CSMD2: variants seen among roughly 807,000 people sequenced by gnomAD.
CSMD2 encodes the protein CUB and sushi domain-containing protein 2.
In CSMD2, 130 loss-of-function variants were observed where a neutral mutation model predicts 398.5. The ratio of observed to expected loss-of-function variants is 0.33; its 90% CI spans 0.28 to 0.38. The LOEUF is 0.38. CSMD2 is among the 10% of genes least tolerant of loss of function. The probability of loss-of-function intolerance (pLI) is 1.00; values close to 1 mark genes in which losing one functional copy is unlikely to be tolerated. For synonymous variants in CSMD2, 1,828 were observed against 1,908.5 expected, an observed-to-expected ratio of 0.96 and a Z score of 1.10; for missense variants, 3,829 against 4,764.9, an observed-to-expected ratio of 0.80 and a Z score of 5.78.
intron 53 of CSMD2, among the ~76,000 whole-genome samples, chr1:33,565,025 G>C (rs1658922728): frequency 6.6e-6 from 1 of 152,156 alleles, no homozygotes; most frequent in Non-Finnish European, 1.5e-5. Flanking sequence ...CTAACTAGAA[G>C]CCAGAGAGTG....
chr1:34,160,464 G>C lies in CSMD2; in HGVS notation c.187+4447C>G, dbSNP rs532583519. ...AACTGTAACCAAACGGTGATACTTA[G>C]TTGTGGGGAAAGGAACAGGGGACCA... is the stretch of plus-strand genomic sequence containing the variant. On this transcript the variant is annotated intron_variant, in intron 1 of 70. Coordinates refer to ENST00000373381, the MANE Select transcript of CSMD2 (RefSeq NM_001281956.2). 1.1e-4 allele frequency among the ~76,000 whole-genome samples: 16 copies of C among 152,292 alleles called. 1 individual carries two copies. The South Asian group carries it at 3.3e-3, about 32-fold the overall frequency.
At position 33,863,229 on chromosome 1, in the gene CSMD2, C is replaced by CT. The variant is rs560184249; in HGVS notation, c.921-16234dup. ...GTGTCCAAAGGCCCCCAGAATGACA[C>CT]TTTTTCATCTTTTCTCTTCCCTCCA... On this transcript the variant is annotated intron_variant, in intron 5 of 70. Coordinates refer to ENST00000373381, the MANE Select transcript of CSMD2 (RefSeq NM_001281956.2). The CT allele has an allele frequency of 1.3e-3, 196 of 152,336 alleles. 1 individual carries two copies. The highest frequency in any genetic ancestry group is 4.5e-3 in the African/African-American group (186 of 41,564). 9.4% of individuals were successfully genotyped at this position (152,336 alleles called of 1,614,324 possible).
chr1:34,064,527 T>C (rs1353859623), intron 2 of CSMD2, among the ~76,000 whole-genome samples: 2 of 152,152 alleles, frequency 1.3e-5, no homozygotes, highest in Non-Finnish European at 2.9e-5. Context: ...CTCCTCTCCA[T>C]CCGAGACCAT....
intron 5 of CSMD2, among the ~76,000 whole-genome samples, chr1:33,850,199 C>T (rs1233424436): frequency 1.3e-5 from 2 of 152,118 alleles, no homozygotes; most frequent in Non-Finnish European, 2.9e-5. Flanking sequence ...GGTTTGACTC[C>T]TGCCTGCCTT....
intron 12 of CSMD2, among the ~76,000 whole-genome samples, chr1:33,786,328 C>T (rs1348386253): frequency 6.6e-6 from 1 of 152,186 alleles, no homozygotes; most frequent in Non-Finnish European, 1.5e-5. Flanking sequence ...CACTGCTGAA[C>T]ATCCATAGAA....
chr1:34,028,785 C>G (rs2148139903), intron 3 of CSMD2, among the ~76,000 whole-genome samples: 1 of 152,270 alleles, frequency 6.6e-6, no homozygotes, highest in Non-Finnish European at 1.5e-5. Flanking sequence ...ACAGGTTGAT[C>G]CCCTTCCCTC....
chr1:33,785,776 G>A (rs777501798), intron 12 of CSMD2, among the ~76,000 whole-genome samples: 6 of 152,126 alleles, frequency 3.9e-5, no homozygotes, highest in Non-Finnish European at 2.9e-5. Context: ...TAAAGCTATG[G>A]CACATAGCAG....
intron 67 of CSMD2, 117 bp downstream of exon 67, chr1:33,523,190 C>T (rs371816508): frequency 3.4e-6 from 2 of 596,668 alleles, no homozygotes; most frequent in Non-Finnish European, 6.0e-6. Flanking sequence ...CAGGGCCCCA[C>T]AGAAAACCTC....
intron 10 of CSMD2, among the ~76,000 whole-genome samples, chr1:33,796,869 G>T (rs1402448152): frequency 6.6e-6 from 1 of 152,158 alleles, no homozygotes; most frequent in East Asian, 1.9e-4. Context: ...TGCATTCCTG[G>T]GGGGAGGTCT....
At position 33,822,278 on chromosome 1, in the gene CSMD2, G is replaced by A. The variant is rs151265016; in HGVS notation, c.1112-1722C>T. ...GGGACCTAGGGCATGAGGAGAAGGA[G>A]CAGGGCATTTCCAGGATTTCCAGGG... On this transcript the variant is annotated intron_variant, in intron 7 of 70. Coordinates refer to ENST00000373381, the MANE Select transcript of CSMD2 (RefSeq NM_001281956.2). Among the ~76,000 whole-genome samples the A allele has an allele frequency of 4.6e-5, 7 of 152,270 alleles. No individual in the cohort carries two copies. The East Asian group carries it at 9.7e-4, about 21-fold the overall frequency.
At chr1:33,550,066 G>T in intron 56 of CSMD2, 111 bp downstream of exon 56, 1 of 1,088,246 alleles carries the variant, frequency 9.2e-7, no homozygotes, top group African/African-American at 1.5e-5. Flanking sequence ...TAAGGGTTCT[G>T]AGGTCTGATT....
intron 64 of CSMD2, among the ~76,000 whole-genome samples, chr1:33,531,484 A>G (rs1655226912): frequency 6.6e-6 from 1 of 152,210 alleles, no homozygotes; most frequent in Non-Finnish European, 1.5e-5. Flanking sequence ...CCCCAGGAGA[A>G]CTGAAAACAT....
chr1:33,530,148 A>T (rs1655109335), intron 64 of CSMD2, among the ~76,000 whole-genome samples: 1 of 152,228 alleles, frequency 6.6e-6, no homozygotes, highest in South Asian at 2.1e-4. Context: ...CAGAGTGAAG[A>T]GGCAACCTGT....
intron 43 of CSMD2, 83 bp downstream of exon 43, chr1:33,602,286 C>T: frequency 6.8e-7 from 1 of 1,478,542 alleles, no homozygotes; most frequent in Non-Finnish European, 9.3e-7. Flanking sequence ...TTTTCTAAAC[C>T]AATAGGTAAC....
In CSMD2 at chr1:33,635,202, C is replaced by CA. The variant is rs1642725584; in HGVS notation, c.5086+11dup. 1 of 1,559,440 alleles carries CA rather than the reference C, an allele frequency of 6.4e-7. No homozygotes were observed. Among genetic ancestry groups the CA allele is most frequent in the East Asian group, 2.2e-5 (1 of 44,548 alleles). Reference sequence around the variant, plus strand: ...CAGAAAACATATGAACAACAACAACCAAAACCCATACCATAGTCCTTGGGC... The same window carrying CA: ...CAGAAAACATATGAACAACAACAACCAAAAACCCATACCATAGTCCTTGGGC... On this transcript the variant is annotated intron_variant, in intron 31 of 70. Transcript: ENST00000373381. The surrounding 1 kb of genome is among the most constrained non-coding windows in gnomAD (Gnocchi z 5.0).
chr1:33,641,925 C>G (rs529415698), intron 29 of CSMD2, among the ~76,000 whole-genome samples: 1 of 152,316 alleles, frequency 6.6e-6, no homozygotes, highest in South Asian at 2.1e-4. Flanking sequence ...AATAAAAATG[C>G]CTGACCTGCT....
chr1:33,567,941 C>T, intron 52 of CSMD2, 100 bp from the exon 53 acceptor site: 1 of 1,398,374 alleles, frequency 7.2e-7, no homozygotes. Flanking sequence ...ACTTCAGGAA[C>T]CCTCAGCATG....
chr1:33,885,544 T>G (rs1251461352), intron 5 of CSMD2: 1 of 152,084 alleles, frequency 6.6e-6, no homozygotes, highest in Non-Finnish European at 1.5e-5. Context: ...CCTGGGAAAT[T>G]ATAACTAACC....
At chr1:34,043,024 C>T (rs1164398841) in intron 2 of CSMD2, among the ~76,000 whole-genome samples, 1 of 152,024 alleles carries the variant, frequency 6.6e-6, no homozygotes, top group Non-Finnish European at 1.5e-5. Context: ...CTTCTGAACT[C>T]GTGATCTGCC....
Sources: gnomAD v4.1 joint callset for allele counts (sites outside exome capture counted in the v4.1 genomes callset) on GRCh38, gnomAD v4.1.1 for gene constraint, Gnocchi (gnomAD v3.1) non-coding constraint, MANE v1.5 for transcripts, NCBI Gene and HGNC (gene_info 2026-07-23, HGNC 2026-07-21) for gene names.